Variants in MMP3 observed in about 807,000 individuals in gnomAD.
MMP3 encodes matrix metallopeptidase 3, also known as stromelysin-1.
A neutral mutation model predicts 47.3 loss-of-function variants in MMP3; 46 were observed. That is an observed-to-expected ratio of 0.97 (90% CI 0.77 to 1.24). The LOEUF (loss-of-function observed/expected upper bound fraction) is 1.24, where lower values mean the gene tolerates loss of function less well. Ranked by LOEUF, MMP3 falls within the 50% of genes most tolerant of loss-of-function variation. The pLI is 0.00. For missense variants in MMP3, 558 were observed against 565.5 expected, an observed-to-expected ratio of 0.99 and a Z score of 0.13; for synonymous variants, 216 against 206.5, an observed-to-expected ratio of 1.05 and a Z score of -0.39.
At chr11:102,838,469 G>A in intron 8 of MMP3, 82 bp downstream of exon 8, 1 of 1,449,840 alleles carries the variant, frequency 6.9e-7, no homozygotes, top group Non-Finnish European at 9.4e-7. Flanking sequence ...CAGGCCTAAG[G>A]TTGGGGTGGG....
At position 102,836,619 on chromosome 11, in the gene MMP3, T is replaced by C. The variant is rs1858887569; in HGVS notation, c.1334-393A>G. On this transcript the variant is annotated intron_variant, in intron 9 of 9. Coordinates refer to ENST00000299855, the MANE Select transcript of MMP3 (RefSeq NM_002422.5). The surrounding 1 kb of genome is among the most constrained non-coding windows in gnomAD (Gnocchi z 4.6). Reference sequence around the variant, plus strand: ...TGCTTGGAAACTCTCATCACCTATTTCTTTCTTCCCCAAAAATCCTCCTCC... The same window carrying C: ...TGCTTGGAAACTCTCATCACCTATTCCTTTCTTCCCCAAAAATCCTCCTCC... The C allele has an allele frequency of 8.6e-6, 4 of 467,398 alleles. No individual in the cohort carries two copies. Among genetic ancestry groups the C allele is most frequent in the African/African-American group, 2.0e-5 (1 of 49,906 alleles). 29.0% of individuals were successfully genotyped at this position (467,398 alleles called of 1,614,324 possible). A position where few individuals can be genotyped will look rare whatever the true frequency, so the allele number is the denominator to read the frequency against.
At position 102,843,569 on chromosome 11, in the gene MMP3, T is replaced by G; in HGVS notation, c.-23A>C. ...CATTTCCACTGGCTTTACTTAGCTC[T>G]ATGTTGTCTCTATGCCTTGCTGTCT... On this transcript the variant is annotated 5_prime_UTR_variant, in exon 1 of 10. Coordinates refer to ENST00000299855, the MANE Select transcript of MMP3 (RefSeq NM_002422.5). The G allele has an allele frequency of 6.0e-5, 96 of 1,588,644 alleles. No individual in the cohort carries two copies. Among genetic ancestry groups the G allele is most frequent in the Non-Finnish European group, 8.0e-5 (93 of 1,159,914 alleles).
intron 8 of MMP3, 69 bp downstream of exon 8, chr11:102,838,482 A>T (rs1555004907): frequency 2.6e-6 from 4 of 1,512,588 alleles, no homozygotes; most frequent in East Asian, 4.5e-5. Flanking sequence ...GGGGTGGGGG[A>T]TTTCCTTAGT....
chr11:102,837,263 G>A lies in MMP3; in HGVS notation c.1333+35C>T, dbSNP rs371729344. 36 of 1,492,852 alleles carry A rather than the reference G, an allele frequency of 2.4e-5. No homozygotes were observed. Among genetic ancestry groups the A allele is most frequent in the Non-Finnish European group, 3.3e-5 (35 of 1,073,246 alleles). The allele number at this position is 1,492,852 out of a possible 1,614,324, so 92.5% of individuals were successfully genotyped here. A position where few individuals can be genotyped will look rare whatever the true frequency, so the allele number is the denominator to read the frequency against. ...CCTCTGATATCATAAAATGTTTCAA[G>A]TGCTCTATGGCCAACACAGTAAGTA... On this transcript the variant is annotated intron_variant, in intron 9 of 9. Coordinates refer to ENST00000299855, the MANE Select transcript of MMP3 (RefSeq NM_002422.5). The surrounding 1 kb of genome is among the most constrained non-coding windows in gnomAD (Gnocchi z 4.4).
At position 102,840,229 on chromosome 11, in the gene MMP3, T is replaced by A. The variant is rs557944630; in HGVS notation, c.814A>T (p.Thr272Ser). The change falls in exon 6 of 10, where the codon ACC (threonine) becomes TCC (serine). Residue 272 changes from threonine to serine, a missense_variant. Thr to Ser is a moderately conservative substitution (Grantham distance 58). Coordinates refer to ENST00000299855, the MANE Select transcript of MMP3 (RefSeq NM_002422.5). ...LYGPPPDSPE[T>S]PLVPTEPVPP... ...ACAGGTTCCGTGGGTACCAGGGGGG[T>A]CTCAGGGGAGTCAGGGGGAGGTCCT... The A allele has an allele frequency of 1.1e-5, 18 of 1,613,270 alleles. 1 individual carries two copies. Among genetic ancestry groups the A allele is most frequent in the African/African-American group, 8.0e-5 (6 of 74,718 alleles).
Position 102,836,251 on chromosome 11 carries a change from G to C in MMP3, c.1334-25C>G. 6.5e-7 allele frequency: 1 copy of C among 1,543,690 alleles called. No homozygotes were observed. Among genetic ancestry groups the C allele is most frequent in the Non-Finnish European group, 8.9e-7 (1 of 1,120,324 alleles). On this transcript the variant is annotated intron_variant, in intron 9 of 9. Coordinates refer to ENST00000299855, the MANE Select transcript of MMP3 (RefSeq NM_002422.5). The surrounding 1 kb of genome is among the most constrained non-coding windows in gnomAD (Gnocchi z 4.6). ...CCTGCAAATACAGACAAGGGAAATAGTAAGATATTTTTCCAAATAAAGACA... is the reference window on the plus strand; with the variant it reads ...CCTGCAAATACAGACAAGGGAAATACTAAGATATTTTTCCAAATAAAGACA...
At chr11:102,843,255 A>G (rs113444169) in intron 1 of MMP3, among the ~76,000 whole-genome samples, 187 bp downstream of exon 1, 1 of 152,158 alleles carries the variant, frequency 6.6e-6, no homozygotes, top group East Asian at 1.9e-4. Context: ...TTCTTCCTAC[A>G]TAAGAGGAGA....
Position 102,840,495 on chromosome 11 carries a change from A to G in MMP3, c.724T>C (p.Ser242Pro). 1.2e-6 allele frequency: 2 copies of G among 1,614,102 alleles called. No individual in the cohort carries two copies. The highest frequency in any genetic ancestry group is 1.7e-5 in the Admixed American group (1 of 60,004). Residue 242 changes from serine (S) to proline (P), a missense_variant, in exon 5 of 10, where the codon TCA becomes CCA. Coordinates refer to ENST00000299855, the MANE Select transcript of MMP3 (RefSeq NM_002422.5). ...TEALMYPLYH[S>P]LTDLTRFRLS... ...CGGAACCGAGTCAGGTCTGTGAGTGAGTGATAGAGTGGGTACATCAAAGCT... is the reference window on the plus strand; with the variant it reads ...CGGAACCGAGTCAGGTCTGTGAGTGGGTGATAGAGTGGGTACATCAAAGCT...
In MMP3 at chr11:102,840,507, G is replaced by A. The variant is rs782665147; in HGVS notation, c.712C>T (p.Pro238Ser). The A allele has an allele frequency of 6.2e-7, 1 of 1,614,008 alleles. No homozygotes were observed. Among genetic ancestry groups the A allele is most frequent in the Non-Finnish European group, 8.5e-7 (1 of 1,179,970 alleles). Residue 238 changes from proline to serine, a missense_variant, in exon 5 of 10, where the codon CCA (proline) becomes TCA (serine). Transcript: ENST00000299855. ...AGGTCTGTGAGTGAGTGATAGAGTG[G>A]GTACATCAAAGCTTCAGTGTTGGCT... ...HSANTEALMY[P>S]LYHSLTDLTR...
chr11:102,838,228 G>A lies in MMP3; in HGVS notation c.1229+323C>T, dbSNP rs190394409. Among the ~76,000 whole-genome samples the A allele has an allele frequency of 2.5e-3, 374 of 152,230 alleles. 8 individuals carry two copies. Among genetic ancestry groups the A allele is most frequent in the Non-Finnish European group, 3.1e-3 (213 of 68,032 alleles). On this transcript the variant is annotated intron_variant, in intron 8 of 9. Coordinates refer to ENST00000299855, the MANE Select transcript of MMP3 (RefSeq NM_002422.5). ...TCCCAATGGGTCTAAAGTCCACGAG[G>A]GAAAGCTGCATGGAGGTGATGAGAC...
At chr11:102,843,006 TA>T (rs1859038384) in intron 1 of MMP3, 90 bp from the exon 2 acceptor site, 1 of 1,155,004 alleles carries the variant, frequency 8.7e-7, no homozygotes, top group Non-Finnish European at 1.2e-6. Context: ...GCTCACTTCT[TA>T]ATCTATTTGG....
chr11:102,841,300 T>C (rs1858992703), intron 4 of MMP3, among the ~76,000 whole-genome samples: 1 of 152,206 alleles, frequency 6.6e-6, no homozygotes, highest in African/African-American at 2.4e-5. Context: ...TAAATCTACC[T>C]TACTTTTGCT....
chr11:102,837,354 A>G lies in MMP3; in HGVS notation c.1277T>C (p.Ile426Thr), dbSNP rs1555004742. Reference protein sequence around the residue: ...NSMEPGFPKQIAEDFPGIDSK... With the variant: ...NSMEPGFPKQTAEDFPGIDSK... Reference sequence around the variant, plus strand: ...GTCAATCCCTGGAAAGTCTTCAGCTATTTGCTTGGGAAAGCCTGGCTCCAT... The same window carrying G: ...GTCAATCCCTGGAAAGTCTTCAGCTGTTTGCTTGGGAAAGCCTGGCTCCAT... The change falls in exon 9 of 10, where the codon ATA becomes ACA. Residue 426 changes from isoleucine (I) to threonine (T), a missense_variant. Ile to Thr is a moderately conservative substitution (Grantham distance 89). Transcript: ENST00000299855. The surrounding 1 kb of genome is among the most constrained non-coding windows in gnomAD (Gnocchi z 4.4). 1 of 1,613,860 alleles carries G rather than the reference A, an allele frequency of 6.2e-7. No individual in the cohort carries two copies. Among genetic ancestry groups the G allele is most frequent in the East Asian group, 2.2e-5 (1 of 44,878 alleles).
Position 102,842,656 on chromosome 11 carries a change from C to G in MMP3, c.350+16G>C, listed in dbSNP as rs182816013. ...TAAAATTCCAATCTTATGTGAAAAC[C>G]CCTCTGAACCATTACCTGTATGTAA... is the stretch of plus-strand genomic sequence containing the variant. On this transcript the variant is annotated intron_variant, in intron 2 of 9. Coordinates refer to ENST00000299855, the MANE Select transcript of MMP3 (RefSeq NM_002422.5). 1.2e-6 allele frequency: 2 copies of G among 1,612,990 alleles called. No homozygotes were observed. Among genetic ancestry groups the G allele is most frequent in the East Asian group, 2.2e-5 (1 of 44,866 alleles).
chr11:102,842,716 G>T lies in MMP3; in HGVS notation c.306C>A (p.Thr102=), dbSNP rs41380244. 82 of 1,613,866 alleles carry T rather than the reference G, an allele frequency of 5.1e-5. No homozygotes were observed. The highest frequency in any genetic ancestry group is 8.9e-5 in the East Asian group (4 of 44,880). ...TCCTCCACTTCGGGATGCCAGGAAA[G>T]GTTCTGAAGTGACCAACATCAGGAA... The part of the protein sequence containing the change: ...CGVPDVGHFR[T]FPGIPKWRKT... The change falls in exon 2 of 10, where the codon ACC becomes ACA. Residue 102 remains threonine (T), a synonymous_variant. Transcript: ENST00000299855.
chr11:102,842,155 T>G lies in MMP3; in HGVS notation c.624A>C (p.Thr208=). 1 of 1,577,840 alleles carries G rather than the reference T, an allele frequency of 6.3e-7. No homozygotes were observed. The highest frequency in any genetic ancestry group is 1.2e-5 in the South Asian group (1 of 82,082). The change falls in exon 4 of 10, where the codon ACA becomes ACC. Residue 208 remains threonine, a splice_region_variant and synonymous_variant. Coordinates refer to ENST00000299855, the MANE Select transcript of MMP3 (RefSeq NM_002422.5). ...DDDEQWTKDT[T]GTNLFLVAAH... is the part of the protein sequence containing the mutation. ...CATTCTGAGAGATGTGTAACTAACC[T>G]GTTGTATCCTTTGTCCATTGTTCAT...
chr11:102,842,213 G>A lies in MMP3; in HGVS notation c.566C>T (p.Pro189Leu), dbSNP rs1555005554. 5 of 1,612,598 alleles carry A rather than the reference G, an allele frequency of 3.1e-6. No individual in the cohort carries two copies. In the South Asian group the frequency reaches 3.3e-5, roughly 11 times the overall value. ...NVLAHAYAPG[P>L]GINGDAHFDD... ...AAAGTGGGCATCTCCATTAATCCCTGGCCCAGGGGCATAGGCATGGGCCAA... is the reference window on the plus strand; with the variant it reads ...AAAGTGGGCATCTCCATTAATCCCTAGCCCAGGGGCATAGGCATGGGCCAA... Residue 189 changes from proline (P) to leucine (L), a missense_variant, in exon 4 of 10, where the codon CCA (proline) becomes CTA (leucine). Transcript: ENST00000299855.
Position 102,842,404 on chromosome 11 carries a change from C to CTTTTTTTTTTTTTTTTTTTTTTTTTTTTT in MMP3, c.499+26_499+27insAAAAAAAAAAAAAAAAAAAAAAAAAAAAA, listed in dbSNP as rs11418340. The CTTTTTTTTTTTTTTTTTTTTTTTTTTTTT allele has an allele frequency of 5.3e-5, 43 of 813,328 alleles. 2 individuals are homozygous for CTTTTTTTTTTTTTTTTTTTTTTTTTTTTT. The highest frequency in any genetic ancestry group is 4.6e-4 in the Middle Eastern group (1 of 2,170). 50.4% of individuals were successfully genotyped at this position (813,328 alleles called of 1,614,324 possible). A position where few individuals can be genotyped will look rare whatever the true frequency, so the allele number is the denominator to read the frequency against. ...GTGTTTTTTGTTTTGTTTTGTTTTG[C>CTTTTTTTTTTTTTTTTTTTTTTTTTTTTT]TTTTTTTTTTTTTTTTTTTTTTTTA... is the stretch of plus-strand genomic sequence containing the variant. On this transcript the variant is annotated intron_variant, in intron 3 of 9. Transcript: ENST00000299855.
chr11:102,836,460 C>G lies in MMP3; in HGVS notation c.1334-234G>C. 1 of 596,850 alleles carries G rather than the reference C, an allele frequency of 1.7e-6. No homozygotes were observed. Among genetic ancestry groups the G allele is most frequent in the Non-Finnish European group, 3.2e-6 (1 of 308,588 alleles). 37.0% of individuals were successfully genotyped at this position (596,850 alleles called of 1,614,324 possible). A position where few individuals can be genotyped will look rare whatever the true frequency, so the allele number is the denominator to read the frequency against. Reference sequence around the variant, plus strand: ...CAGATTGAGCAAGTTGAGGTTGAGACAGATTTCGATGCTTCCTCAAGGTTA... The same window carrying G: ...CAGATTGAGCAAGTTGAGGTTGAGAGAGATTTCGATGCTTCCTCAAGGTTA... On this transcript the variant is annotated intron_variant, in intron 9 of 9. Coordinates refer to ENST00000299855, the MANE Select transcript of MMP3 (RefSeq NM_002422.5). This position sits in a 1 kb window ranked among gnomAD's most constrained non-coding sequence, Gnocchi z 4.6.
Sources: gnomAD v4.1 joint callset for allele counts (sites outside exome capture counted in the v4.1 genomes callset) on GRCh38, gnomAD v4.1.1 for gene constraint, Gnocchi (gnomAD v3.1) non-coding constraint, MANE v1.5 for transcripts, NCBI Gene and HGNC (gene_info 2026-07-23, HGNC 2026-07-21) for gene names.